The following PLPPR1 variants were observed in gnomAD, a reference collection of about 807,000 sequenced individuals.
PLPPR1 encodes the protein phospholipid phosphatase-related protein type 1.
In PLPPR1, 10 loss-of-function variants were observed where a neutral mutation model predicts 33.1. That is an observed-to-expected ratio of 0.30 (90% CI 0.19 to 0.51). The LOEUF (loss-of-function observed/expected upper bound fraction) is 0.51, where lower values mean the gene tolerates loss of function less well. Ranked by LOEUF, PLPPR1 falls within the 20% of genes least tolerant of loss-of-function variation. The pLI is 0.97. For missense variants in PLPPR1, 304 were observed against 408.1 expected, an observed-to-expected ratio of 0.74 and a Z score of 2.20; for synonymous variants, 151 against 151.0, an observed-to-expected ratio of 1.00 and a Z score of 0.00.
chr9:101,132,228 C>G (rs1212144968), intron 1 of PLPPR1, among the ~76,000 whole-genome samples: 1 of 152,160 alleles, frequency 6.6e-6, no homozygotes, highest in South Asian at 2.1e-4. Flanking sequence ...AAAGAACATC[C>G]TCCTTCCACA....
intron 4 of PLPPR1, among the ~76,000 whole-genome samples, chr9:101,297,856 C>T (rs1828678008): frequency 6.6e-6 from 1 of 152,148 alleles, no homozygotes; most frequent in African/African-American, 2.4e-5. Flanking sequence ...GTAACAGCAA[C>T]ACAGATTTAT....
At chr9:101,059,041 G>A (rs73491925) in intron 1 of PLPPR1, among the ~76,000 whole-genome samples, 3,168 of 152,212 alleles carry the variant, frequency 0.021, 114 homozygotes, top group African/African-American at 0.072. Context: ...CTGATTTTGT[G>A]ATTATCTGTG....
chr9:101,083,825 T>C (rs555304938), intron 1 of PLPPR1, among the ~76,000 whole-genome samples: 1 of 152,350 alleles, frequency 6.6e-6, no homozygotes, highest in South Asian at 2.1e-4. Flanking sequence ...AAAGAAAGAA[T>C]ATTCCCAAGC....
intron 1 of PLPPR1, among the ~76,000 whole-genome samples, chr9:101,102,074 T>C (rs1285746240): frequency 6.9e-6 from 1 of 145,612 alleles, no homozygotes; most frequent in Non-Finnish European, 1.5e-5. Context: ...GCTTGTAAAC[T>C]CCTTGAAGGT....
At chr9:101,167,753 C>G (rs1158968579) in intron 1 of PLPPR1, among the ~76,000 whole-genome samples, 2 of 152,128 alleles carry the variant, frequency 1.3e-5, no homozygotes, top group Admixed American at 6.6e-5. Flanking sequence ...TTCTATCTAC[C>G]TCTCCTCCCT....
At chr9:101,092,774 C>T (rs1212146409) in intron 1 of PLPPR1, among the ~76,000 whole-genome samples, 1 of 152,054 alleles carries the variant, frequency 6.6e-6, no homozygotes, top group Non-Finnish European at 1.5e-5. Flanking sequence ...TCTATTGGAA[C>T]CCTGATTCTC....
At chr9:101,271,313 G>GC (rs1283685840) in intron 3 of PLPPR1, among the ~76,000 whole-genome samples, 2 of 152,158 alleles carry the variant, frequency 1.3e-5, no homozygotes, top group African/African-American at 4.8e-5. Flanking sequence ...TTGCTGTGGG[G>GC]CTTAGAAATG....
intron 2 of PLPPR1, among the ~76,000 whole-genome samples, chr9:101,216,230 AG>A (rs1826792461): frequency 6.6e-6 from 1 of 152,210 alleles, no homozygotes. Context: ...AACTGGTATG[AG>A]ATGATATCTT....
In PLPPR1 at chr9:101,091,838, C is replaced by A. The variant is rs1419111125; in HGVS notation, c.-46+62736C>A. Among the ~76,000 whole-genome samples the A allele has an allele frequency of 2.6e-5, 4 of 152,182 alleles. No homozygotes were observed. In the South Asian group the frequency reaches 8.3e-4, roughly 32 times the overall value. The stretch of plus-strand genomic sequence containing the variant: ...ATCTCAACCATTCCAGTTTCCTTTT[C>A]CTTTCTTGTCTTGACTTGCAATTCG... On this transcript the variant is annotated intron_variant, in intron 1 of 7. Transcript: ENST00000374874.
At chr9:101,129,951 T>G (rs1014051556) in intron 1 of PLPPR1, among the ~76,000 whole-genome samples, 2 of 152,198 alleles carry the variant, frequency 1.3e-5, no homozygotes, top group Non-Finnish European at 2.9e-5. Flanking sequence ...GTATTCCATT[T>G]ACGTAAAATT....
chr9:101,278,353 A>G (rs1486814147), intron 3 of PLPPR1, among the ~76,000 whole-genome samples: 1 of 152,232 alleles, frequency 6.6e-6, no homozygotes, highest in Non-Finnish European at 1.5e-5. Flanking sequence ...AGTGCTATCC[A>G]GTAATCATAC....
rs1194133601 is a variant in PLPPR1 at position 101,286,193 on chromosome 9, C to T, written c.342C>T (p.Cys114=). Residue 114 remains cysteine, a synonymous_variant, in exon 4 of 8, where the codon TGC becomes TGT. Coordinates refer to ENST00000374874, the MANE Select transcript of PLPPR1 (RefSeq NM_207299.2). ...AQEKTILTGE[C]CYLNPLLRRI... is the part of the protein sequence containing the mutation. ...AGAAAACAATTCTGACCGGAGAATG[C>T]TGTTACCTGAACCCCTTACTTCGAA... 5 of 1,613,636 alleles carry T rather than the reference C, an allele frequency of 3.1e-6. No individual in the cohort carries two copies. Among genetic ancestry groups the T allele is most frequent in the Non-Finnish European group, 4.2e-6 (5 of 1,179,614 alleles).
At chr9:101,203,282 G>GT (rs760246721) in intron 2 of PLPPR1, among the ~76,000 whole-genome samples, 1 of 152,068 alleles carries the variant, frequency 6.6e-6, no homozygotes, top group Non-Finnish European at 1.5e-5. Context: ...AGTAATTGCT[G>GT]TTTTTGCCAT....
intron 2 of PLPPR1, among the ~76,000 whole-genome samples, chr9:101,211,969 A>G (rs935284905): frequency 1.3e-5 from 2 of 152,188 alleles, no homozygotes; most frequent in Non-Finnish European, 2.9e-5. Flanking sequence ...TTATACAGCT[A>G]ATGGTAAAGT....
chr9:101,053,520 C>G (rs760194577), intron 1 of PLPPR1, among the ~76,000 whole-genome samples: 42 of 152,164 alleles, frequency 2.8e-4, no homozygotes, highest in Non-Finnish European at 5.7e-4. Context: ...TCTGTGGAAT[C>G]TCTGTGTCCT....
At chr9:101,110,172 A>T (rs917778910) in intron 1 of PLPPR1, among the ~76,000 whole-genome samples, 4 of 152,250 alleles carry the variant, frequency 2.6e-5, no homozygotes, top group African/African-American at 9.6e-5. Flanking sequence ...CAAGAATTTC[A>T]CCAGGCTTCA....
chr9:101,185,416 G>A (rs1233034740), intron 1 of PLPPR1, 34 bp from the exon 2 acceptor site: 13 of 798,162 alleles, frequency 1.6e-5, no homozygotes, highest in Non-Finnish European at 2.5e-5. Context: ...CTCAATATAT[G>A]GTTCTTATAC....
intron 1 of PLPPR1, among the ~76,000 whole-genome samples, chr9:101,041,126 C>T (rs1322359479): frequency 6.6e-6 from 1 of 152,186 alleles, no homozygotes; most frequent in African/African-American, 2.4e-5. Context: ...AGAGGTGTCT[C>T]AACCTGGGTT....
At position 101,312,981 on chromosome 9, in the gene PLPPR1, T is replaced by G. The variant is rs181533684; in HGVS notation, c.813+7T>G. 1.7e-3 allele frequency: 2,823 copies of G among 1,613,902 alleles called. 9 individuals are homozygous for G. The highest frequency in any genetic ancestry group is 4.5e-3 in the Middle Eastern group (27 of 6,060). ...TGCAGTGGCCCTGTTTCTGGTAGGT[T>G]GACTTCCCTCTTTTTACCTTTTCCC... On this transcript the variant is annotated splice_region_variant and intron_variant, in intron 6 of 7. Transcript: ENST00000374874.
Sources: gnomAD v4.1 joint callset for allele counts (sites outside exome capture counted in the v4.1 genomes callset) on GRCh38, gnomAD v4.1.1 for gene constraint, MANE v1.5 for transcripts, NCBI Gene and HGNC (gene_info 2026-07-23, HGNC 2026-07-21) for gene names.